The following GLS variants were observed in gnomAD, a reference collection of about 807,000 sequenced individuals.
GLS encodes the protein glutaminase, also known as glutaminase kidney isoform, mitochondrial.
GLS carries 36 observed loss-of-function variants against 86.7 expected under a neutral mutation model. That is an observed-to-expected ratio of 0.42 (90% CI 0.32 to 0.55). The LOEUF is 0.55. GLS is among the 20% of genes least tolerant of loss of function. The probability of loss-of-function intolerance (pLI) is 0.17; values close to 1 mark genes in which losing one functional copy is unlikely to be tolerated. For missense variants in GLS, 528 were observed against 833.4 expected (o/e 0.63, Z 4.51); for synonymous variants, 317 against 305.9 (o/e 1.04, Z -0.38).
intron 7 of GLS, among the ~76,000 whole-genome samples, chr2:190,916,871 T>C (rs1324906884): frequency 6.6e-6 from 1 of 152,186 alleles, no homozygotes; most frequent in Non-Finnish European, 1.5e-5. Context: ...TGTGAATACC[T>C]TAATTAAAAA....
rs766608427 is a variant in GLS at position 190,905,192 on chromosome 2, G to GA, written c.979+31dup. 1.4e-5 allele frequency: 20 copies of GA among 1,386,638 alleles called. No individual in the cohort carries two copies. The highest frequency in any genetic ancestry group is 1.9e-5 in the Non-Finnish European group (19 of 994,204). 85.9% of individuals were successfully genotyped at this position (1,386,638 alleles called of 1,614,324 possible). Reference sequence around the variant, plus strand: ...GGTAAGAATTACATAAACATTGGTTGAAAAAAGAAATGTCTCATTTTCCTA... The same window carrying GA: ...GGTAAGAATTACATAAACATTGGTTGAAAAAAAGAAATGTCTCATTTTCCTA... On this transcript the variant is annotated intron_variant, in intron 6 of 17. Coordinates refer to ENST00000320717, the MANE Select transcript of GLS (RefSeq NM_014905.5). The surrounding 1 kb of genome is among the most constrained non-coding windows in gnomAD (Gnocchi z 4.6).
At chr2:190,960,193 CAAT>C (rs1690965465) in intron 17 of GLS, among the ~76,000 whole-genome samples, 3 of 151,788 alleles carry the variant, frequency 2.0e-5, no homozygotes, top group Admixed American at 1.3e-4. Flanking sequence ...GTATATGAGT[CAAT>C]GAGTAATGAG....
chr2:190,934,650 G>A lies in GLS; in HGVS notation c.1650+3013G>A, dbSNP rs146607237. ...TTGTTACATTTTACCATTTCATTCC[G>A]AAGTTGGTTTTACTTTATTAAATGA... On this transcript the variant is annotated intron_variant, in intron 14 of 17. Coordinates refer to ENST00000320717, the MANE Select transcript of GLS (RefSeq NM_014905.5). 57 of 983,104 alleles carry A rather than the reference G, an allele frequency of 5.8e-5. No individual in the cohort carries two copies. In the African/African-American group the frequency reaches 8.6e-4, roughly 15 times the overall value. The allele number at this position is 983,104 out of a possible 1,614,324, so 60.9% of individuals were successfully genotyped here. A position where few individuals can be genotyped will look rare whatever the true frequency, so the allele number is the denominator to read the frequency against.
intron 1 of GLS, among the ~76,000 whole-genome samples, chr2:190,894,144 A>G (rs1278344181): frequency 1.3e-5 from 2 of 151,676 alleles, no homozygotes; most frequent in South Asian, 2.1e-4. Flanking sequence ...TGATGTATAC[A>G]GTCTTGCCTT....
At position 190,949,855 on chromosome 2, in the gene GLS, C is replaced by T. The variant is rs184181582; in HGVS notation, c.1651-3710C>T. 2.9e-4 allele frequency among the ~76,000 whole-genome samples: 44 copies of T among 151,578 alleles called. No individual in the cohort carries two copies. The highest frequency in any genetic ancestry group is 2.9e-5 in the Non-Finnish European group (2 of 67,928). ...TAGACACTGAGTTTACGGTGGGGAA[C>T]AGAAAGACAAGTGGTCTCTGCCCAC... On this transcript the variant is annotated intron_variant, in intron 14 of 17. Transcript: ENST00000320717. The surrounding 1 kb of genome is among the most constrained non-coding windows in gnomAD (Gnocchi z 4.0).
In GLS at chr2:190,955,387, T is replaced by C. The variant is rs1194278271; in HGVS notation, c.1853+569T>C. 6.6e-6 allele frequency among the ~76,000 whole-genome samples: 1 copy of C among 152,252 alleles called. No homozygotes were observed. Among genetic ancestry groups the C allele is most frequent in the African/African-American group, 2.4e-5 (1 of 41,462 alleles). ...AGGGAGAACATGAAGTGTTTGGTTT[T>C]CTGTTCTTGTGTTAGTTTGCTGAGA... On this transcript the variant is annotated intron_variant, in intron 17 of 17. Coordinates refer to ENST00000320717, the MANE Select transcript of GLS (RefSeq NM_014905.5). This position sits in a 1 kb window ranked among gnomAD's most constrained non-coding sequence, Gnocchi z 5.6.
At chr2:190,887,413 A>G in intron 1 of GLS, among the ~76,000 whole-genome samples, 1 of 152,156 alleles carries the variant, frequency 6.6e-6, no homozygotes, top group East Asian at 1.9e-4. Flanking sequence ...TGTTAAATTC[A>G]TTATAAAGAA....
rs1428242598 is a variant in GLS at position 190,902,396 on chromosome 2, G to A, written c.815+370G>A. 2.0e-5 allele frequency among the ~76,000 whole-genome samples: 3 copies of A among 152,176 alleles called. No individual in the cohort carries two copies. The East Asian group carries it at 5.8e-4, about 29-fold the overall frequency. On this transcript the variant is annotated intron_variant, in intron 5 of 17. Transcript: ENST00000320717. ...ACTTAACATTGGTAACCCATCTGTC[G>A]TTGTCTTTGTTCCTTGTGTTCCTGA...
intron 1 of GLS, among the ~76,000 whole-genome samples, chr2:190,893,429 A>C (rs1201613812): frequency 6.6e-6 from 1 of 152,210 alleles, no homozygotes; most frequent in East Asian, 1.9e-4. Context: ...TGAGCTTCTA[A>C]GTATGTACCA....
Position 190,930,229 on chromosome 2 carries a change from A to G in GLS, c.1426-208A>G, listed in dbSNP as rs1690062753. On this transcript the variant is annotated intron_variant, in intron 12 of 17. Coordinates refer to ENST00000320717, the MANE Select transcript of GLS (RefSeq NM_014905.5). The surrounding 1 kb of genome is among the most constrained non-coding windows in gnomAD (Gnocchi z 5.0). ...CTACTGGTGTGCACTTCCATGTCTCACTGTTTTTTGTAGAGACGAGATCTC... is the reference window on the plus strand; with the variant it reads ...CTACTGGTGTGCACTTCCATGTCTCGCTGTTTTTTGTAGAGACGAGATCTC... Among the ~76,000 whole-genome samples, 1 of 151,558 alleles carries G rather than the reference A, an allele frequency of 6.6e-6. No individual in the cohort carries two copies. Among genetic ancestry groups the G allele is most frequent in the Non-Finnish European group, 1.5e-5 (1 of 67,916 alleles).
At chr2:190,891,307 A>G (rs1688552970) in intron 1 of GLS, among the ~76,000 whole-genome samples, 1 of 152,140 alleles carries the variant, frequency 6.6e-6, no homozygotes, top group Non-Finnish European at 1.5e-5. Context: ...TGCTTGGCAT[A>G]TAATAAGTGG....
At chr2:190,945,329 T>G (rs1484604801) in intron 14 of GLS, among the ~76,000 whole-genome samples, 7 of 152,114 alleles carry the variant, frequency 4.6e-5, no homozygotes. Context: ...ACTTTTTAGT[T>G]TACAAATGAG....
intron 14 of GLS, chr2:190,934,552 G>C (rs1436132848): frequency 1.0e-6 from 1 of 983,472 alleles, no homozygotes; most frequent in South Asian, 4.7e-5. Context: ...AGTTGCACCA[G>C]GGCCATTTGT....
At position 190,951,892 on chromosome 2, in the gene GLS, A is replaced by G. The variant is rs1031477011; in HGVS notation, c.1651-1673A>G. Among the ~76,000 whole-genome samples, 1 of 152,226 alleles carries G rather than the reference A, an allele frequency of 6.6e-6. No individual in the cohort carries two copies. Among genetic ancestry groups the G allele is most frequent in the African/African-American group, 2.4e-5 (1 of 41,464 alleles). ...TTATAACCCAGAAAAGTGCATATCAAAGTCACCTGGAGACTTTAAACAAAA... is the reference window on the plus strand; with the variant it reads ...TTATAACCCAGAAAAGTGCATATCAGAGTCACCTGGAGACTTTAAACAAAA... On this transcript the variant is annotated intron_variant, in intron 14 of 17. Transcript: ENST00000320717. The surrounding 1 kb of genome is among the most constrained non-coding windows in gnomAD (Gnocchi z 4.2).
chr2:190,931,769 A>G (rs1341520439), intron 14 of GLS, 132 bp downstream of exon 14: 3 of 490,684 alleles, frequency 6.1e-6, no homozygotes, highest in Admixed American at 7.4e-5. Context: ...AGTGTAAACA[A>G]ATTGTTGACA....
chr2:190,883,829 C>T (rs925665494), intron 1 of GLS, among the ~76,000 whole-genome samples: 8 of 152,178 alleles, frequency 5.3e-5, no homozygotes, highest in African/African-American at 1.4e-4. Context: ...GGGATATCTG[C>T]GTTTCCTCCT....
chr2:190,921,275 C>T lies in GLS; in HGVS notation c.1130+72C>T. ...ATTTAGAATTGATCCACTCTCTTTT[C>T]ATTGGAGGGAAATGAATGATTTCTA... On this transcript the variant is annotated intron_variant, in intron 9 of 17. Transcript: ENST00000320717. This position sits in a 1 kb window ranked among gnomAD's most constrained non-coding sequence, Gnocchi z 4.2. 1.0e-6 allele frequency: 1 copy of T among 982,168 alleles called. No homozygotes were observed. The highest frequency in any genetic ancestry group is 2.4e-5 in the East Asian group (1 of 41,692). 60.8% of individuals were successfully genotyped at this position (982,168 alleles called of 1,614,324 possible). A position where few individuals can be genotyped will look rare whatever the true frequency, so the allele number is the denominator to read the frequency against.
Position 190,947,839 on chromosome 2 carries a change from CT to C in GLS, c.1651-5725del, listed in dbSNP as rs1350266571. ...GGATGACTGATCTTCTAGAGTGCCC[CT>C]CTCCTTCAGTTTGTTTGCTATGATA... On this transcript the variant is annotated intron_variant, in intron 14 of 17. Transcript: ENST00000320717. This position sits in a 1 kb window ranked among gnomAD's most constrained non-coding sequence, Gnocchi z 5.0. Among the ~76,000 whole-genome samples the C allele has an allele frequency of 1.5e-4, 23 of 151,976 alleles. No homozygotes were observed. The highest frequency in any genetic ancestry group is 3.4e-4 in the Non-Finnish European group (23 of 67,988).
intron 4 of GLS, among the ~76,000 whole-genome samples, chr2:190,901,036 A>G (rs1283186640): frequency 2.0e-5 from 3 of 152,080 alleles, no homozygotes; most frequent in Middle Eastern, 3.2e-3. Flanking sequence ...AAATCCTGTA[A>G]ATAATACTAG....
Sources: gnomAD v4.1 joint callset for allele counts (sites outside exome capture counted in the v4.1 genomes callset) on GRCh38, gnomAD v4.1.1 for gene constraint, Gnocchi (gnomAD v3.1) non-coding constraint, MANE v1.5 for transcripts, NCBI Gene and HGNC (gene_info 2026-07-23, HGNC 2026-07-21) for gene names.